The following MARCHF1 variants were observed in gnomAD, a reference collection of about 807,000 sequenced individuals.
The protein encoded by MARCHF1 is E3 ubiquitin-protein ligase MARCHF1.
MARCHF1 carries 40 observed loss-of-function variants against 54.2 expected under a neutral mutation model. The observed-to-expected ratio is 0.74, with a 90% CI of 0.57 to 0.96. The LOEUF is 0.96. Among genes scored for constraint, MARCHF1 ranks in the 40% least tolerant of loss-of-function variants. The probability of loss-of-function intolerance (pLI) is 0.00; values close to 1 mark genes in which losing one functional copy is unlikely to be tolerated. For synonymous variants in MARCHF1, 236 were observed against 236.3 expected, an observed-to-expected ratio of 1.00 and a Z score of 0.01; for missense variants, 586 against 656.5, an observed-to-expected ratio of 0.89 and a Z score of 1.17.
chr4:163,835,939 C>T (rs1317469908), intron 4 of MARCHF1, among the ~76,000 whole-genome samples: 1 of 152,070 alleles, frequency 6.6e-6, no homozygotes, highest in Non-Finnish European at 1.5e-5. Flanking sequence ...ATGTCTTCAT[C>T]TCAGCTTCTC....
chr4:164,110,595 C>A (rs1314174715), intron 2 of MARCHF1, among the ~76,000 whole-genome samples: 2 of 151,532 alleles, frequency 1.3e-5, no homozygotes, highest in Non-Finnish European at 3.0e-5. Flanking sequence ...TATTATGCCA[C>A]TAAATTCAGA....
At chr4:164,355,694 C>A (rs74606087) in intron 1 of MARCHF1, among the ~76,000 whole-genome samples, 1 of 87,512 alleles carries the variant, frequency 1.1e-5, no homozygotes, top group Non-Finnish European at 2.6e-5. Context: ...CCATTCAGGA[C>A]ATAGGCATGG....
chr4:163,783,128 A>G (rs1358478204), intron 4 of MARCHF1, among the ~76,000 whole-genome samples: 4 of 152,226 alleles, frequency 2.6e-5, no homozygotes, highest in Admixed American at 6.5e-5. Flanking sequence ...GTTATCTGAT[A>G]TATGCCTTCA....
chr4:164,032,408 TA>T (rs1753897300), intron 2 of MARCHF1, among the ~76,000 whole-genome samples: 1 of 152,168 alleles, frequency 6.6e-6, no homozygotes, highest in Admixed American at 6.6e-5. Context: ...CTTCTCCAGT[TA>T]TTTTAATTGG....
At chr4:163,651,825 G>A (rs1742979240) in intron 5 of MARCHF1, among the ~76,000 whole-genome samples, 2 of 149,748 alleles carry the variant, frequency 1.3e-5, no homozygotes, top group South Asian at 4.2e-4. Flanking sequence ...TTAGTCCAAG[G>A]CATTATTTTT....
intron 1 of MARCHF1, chr4:164,197,462 G>A (rs756287875): frequency 3.8e-5 from 62 of 1,613,512 alleles, no homozygotes; most frequent in Middle Eastern, 3.3e-4. Flanking sequence ...GTGAGGTTTG[G>A]ACACTTTTCT....
chr4:163,731,502 G>C (rs753235714), intron 4 of MARCHF1, among the ~76,000 whole-genome samples: 5 of 152,188 alleles, frequency 3.3e-5, no homozygotes, highest in Non-Finnish European at 7.3e-5. Context: ...GGCATAGTGA[G>C]GGAAAACCCA....
chr4:164,033,814 A>G (rs1753933744), intron 2 of MARCHF1, among the ~76,000 whole-genome samples: 1 of 152,200 alleles, frequency 6.6e-6, no homozygotes, highest in African/African-American at 2.4e-5. Context: ...AACACTTTTT[A>G]CATTGTTGGC....
intron 1 of MARCHF1, among the ~76,000 whole-genome samples, chr4:164,253,059 T>C (rs1039169039): frequency 1.3e-5 from 2 of 151,946 alleles, no homozygotes; most frequent in Admixed American, 6.6e-5. Context: ...AACAGTGGTA[T>C]AACAATAAAT....
Position 164,188,468 on chromosome 4 carries a change from G to A in MARCHF1, c.-322-76806C>T, listed in dbSNP as rs1260971440. 9 of 657,646 alleles carry A rather than the reference G, an allele frequency of 1.4e-5. No homozygotes were observed. In the African/African-American group the frequency reaches 1.4e-4, roughly 10 times the overall value. The allele number at this position is 657,646 out of a possible 1,614,324, so 40.7% of individuals were successfully genotyped here. ...CAAGGAGGAGGACGTGGGCACGGTG[G>A]TCTGCGTCGACCTGGGGACCACCTA... On this transcript the variant is annotated intron_variant, in intron 1 of 9. Transcript: ENST00000514618.
intron 1 of MARCHF1, among the ~76,000 whole-genome samples, chr4:164,328,664 G>A (rs1735347190): frequency 6.6e-6 from 1 of 151,862 alleles, no homozygotes; most frequent in African/African-American, 2.4e-5. Context: ...CCAGCAGCTG[G>A]GACTACAGGC....
intron 1 of MARCHF1, among the ~76,000 whole-genome samples, chr4:164,330,331 C>T (rs2110800212): frequency 6.6e-6 from 1 of 152,254 alleles, no homozygotes; most frequent in Non-Finnish European, 1.5e-5. Context: ...TTCCTATAGG[C>T]AACCAAACCT....
intron 1 of MARCHF1, among the ~76,000 whole-genome samples, chr4:164,146,497 A>T (rs540988864): frequency 6.6e-6 from 1 of 152,320 alleles, no homozygotes; most frequent in African/African-American, 2.4e-5. Context: ...GGATCAGAAC[A>T]GAGCCCTCAG....
chr4:163,845,422 T>G (rs139928293), intron 4 of MARCHF1, among the ~76,000 whole-genome samples: 148 of 149,814 alleles, frequency 9.9e-4, no homozygotes, highest in African/African-American at 3.4e-3. Flanking sequence ...TTTGGCATCT[T>G]TGTTATCTGT....
At chr4:164,201,076 G>T (rs1456322778) in intron 1 of MARCHF1, among the ~76,000 whole-genome samples, 2 of 152,224 alleles carry the variant, frequency 1.3e-5, no homozygotes, top group Non-Finnish European at 2.9e-5. Context: ...AAACAAGGTT[G>T]CTGAAAGCAA....
intron 1 of MARCHF1, among the ~76,000 whole-genome samples, chr4:164,292,601 CAAA>C (rs926373718): frequency 2.6e-5 from 4 of 152,118 alleles, no homozygotes; most frequent in African/African-American, 9.7e-5. Context: ...GGATTAACAA[CAAA>C]ATCTATTCAT....
At chr4:164,130,939 CT>C (rs1756288269) in intron 1 of MARCHF1, among the ~76,000 whole-genome samples, 1 of 152,144 alleles carries the variant, frequency 6.6e-6, no homozygotes, top group African/African-American at 2.4e-5. Context: ...TACGAGACAT[CT>C]TTTACATTGA....
chr4:163,573,732 TCC>T, intron 8 of MARCHF1, among the ~76,000 whole-genome samples: 1 of 151,932 alleles, frequency 6.6e-6, no homozygotes, highest in South Asian at 2.1e-4. Flanking sequence ...TTTGGGTTGG[TCC>T]CAAGTCTTTG....
chr4:163,542,121 T>C (rs1055172934), intron 9 of MARCHF1, among the ~76,000 whole-genome samples: 3 of 152,258 alleles, frequency 2.0e-5, no homozygotes, highest in African/African-American at 7.2e-5. Flanking sequence ...TCATTTTCAG[T>C]TTCCTTTAAG....
Sources: gnomAD v4.1 joint callset for allele counts (sites outside exome capture counted in the v4.1 genomes callset) on GRCh38, gnomAD v4.1.1 for gene constraint, MANE v1.5 for transcripts, NCBI Gene and HGNC (gene_info 2026-07-23, HGNC 2026-07-21) for gene names.